RFX8: variants seen among roughly 807,000 people sequenced by gnomAD.
RFX8 encodes the protein regulatory factor X8.
A neutral mutation model predicts 54.6 loss-of-function variants in RFX8; 46 were observed. The observed-to-expected ratio is 0.84, with a 90% CI of 0.67 to 1.08. The LOEUF is 1.08. RFX8 is among the 50% of genes least tolerant of loss of function. The pLI, the probability that RFX8 is intolerant of heterozygous loss-of-function variation, is 0.00. For missense variants in RFX8, 536 were observed against 562.3 expected (o/e 0.95, Z 0.47); for synonymous variants, 192 against 209.5 (o/e 0.92, Z 0.72).
At chr2:101,405,356 A>G (rs1315018397) in intron 10 of RFX8, among the ~76,000 whole-genome samples, 1 of 152,032 alleles carries the variant, frequency 6.6e-6, no homozygotes, top group East Asian at 1.9e-4. Context: ...CATGTTGGTC[A>G]GGCTGGTCTC....
At chr2:101,440,385 G>T (rs1462219942) in intron 2 of RFX8, among the ~76,000 whole-genome samples, 7 of 152,178 alleles carry the variant, frequency 4.6e-5, no homozygotes, top group Admixed American at 4.6e-4. Flanking sequence ...TATGGTTTAT[G>T]CTGAACACCT....
At chr2:101,407,700 A>G (rs1026497886) in intron 9 of RFX8, among the ~76,000 whole-genome samples, 1 of 152,130 alleles carries the variant, frequency 6.6e-6, no homozygotes, top group African/African-American at 2.4e-5. Context: ...TCAATTAAAA[A>G]AAAAAACAAA....
Position 101,414,880 on chromosome 2 carries a change from T to G in RFX8, c.535A>C (p.Lys179Gln). The part of the protein sequence containing the change: ...VTLFVKRLRR[K>Q]TYLSNMAKTM... ...TTAGCCATGTTGGAAAGGTACGTCT[T>G]TCTTCTTAGTCTTTTGACAAATAGA... The change falls in exon 7 of 12, where the codon AAG becomes CAG. Residue 179 changes from lysine to glutamine, a missense_variant. Coordinates refer to ENST00000428343, the MANE Select transcript of RFX8 (RefSeq NM_001145664.2). 1 of 1,550,730 alleles carries G rather than the reference T, an allele frequency of 6.4e-7. No homozygotes were observed. Among genetic ancestry groups the G allele is most frequent in the Non-Finnish European group, 8.7e-7 (1 of 1,146,552 alleles).
At chr2:101,428,844 G>T in intron 2 of RFX8, 1 of 691,426 alleles carries the variant, frequency 1.4e-6, no homozygotes, top group Non-Finnish European at 2.6e-6. Flanking sequence ...ATGGTTAGGG[G>T]CTACCTAGAG....
chr2:101,443,739 C>A (rs1162027757), intron 2 of RFX8, among the ~76,000 whole-genome samples: 1 of 152,074 alleles, frequency 6.6e-6, no homozygotes, highest in Non-Finnish European at 1.5e-5. Context: ...TCTGTTACGT[C>A]AATAGGTGTA....
rs1410176891 is a variant in RFX8, at chr2:101,397,698, T to C, written c.1272A>G (p.Glu424=). The change falls in exon 12 of 12, where the codon GAA becomes GAG. Residue 424 remains glutamate, a synonymous_variant. Coordinates refer to ENST00000428343, the MANE Select transcript of RFX8 (RefSeq NM_001145664.2). The part of the protein sequence containing the change: ...NKLIQVLLED[E]TTESAVKLSL... ...TGAGTTTAACTGCGCTTTCAGTGGT[T>C]TCATCTTCCAACAGCACCTGGATGA... 11 of 1,550,514 alleles carry C rather than the reference T, an allele frequency of 7.1e-6. No homozygotes were observed. In the South Asian group the frequency reaches 1.3e-4, roughly 19 times the overall value.
intron 2 of RFX8, among the ~76,000 whole-genome samples, chr2:101,432,366 G>C (rs951251319): frequency 6.6e-6 from 1 of 152,192 alleles, no homozygotes; most frequent in African/African-American, 2.4e-5. Context: ...CCACGTTCAG[G>C]TCACCAGCAC....
intron 2 of RFX8, among the ~76,000 whole-genome samples, chr2:101,422,892 C>T (rs540852319): frequency 6.6e-6 from 1 of 152,242 alleles, no homozygotes; most frequent in Non-Finnish European, 1.5e-5. Context: ...TCATAACAAC[C>T]GTTGGTTGTA....
At chr2:101,463,086 G>A (rs1249538892) in intron 2 of RFX8, among the ~76,000 whole-genome samples, 4 of 152,116 alleles carry the variant, frequency 2.6e-5, no homozygotes, top group African/African-American at 9.7e-5. Context: ...TCCACACATC[G>A]ATCTTTCAAT....
chr2:101,423,828 C>A lies in RFX8; in HGVS notation c.73-1356G>T, dbSNP rs187622275. 2.6e-5 allele frequency among the ~76,000 whole-genome samples: 4 copies of A among 152,280 alleles called. No homozygotes were observed. The East Asian group carries it at 5.8e-4, about 22-fold the overall frequency. On this transcript the variant is annotated intron_variant, in intron 2 of 11. Coordinates refer to ENST00000428343, the MANE Select transcript of RFX8 (RefSeq NM_001145664.2). Reference sequence around the variant, plus strand: ...GTGCTGCACACACCGGAAACAGGCACCACTGTGTTTTCCTCCTCTCCGATG... The same window carrying A: ...GTGCTGCACACACCGGAAACAGGCAACACTGTGTTTTCCTCCTCTCCGATG...
chr2:101,429,053 A>G lies in RFX8; in HGVS notation c.73-6581T>C, dbSNP rs148716447. 6.4e-3 allele frequency: 8,503 copies of G among 1,334,796 alleles called. 39 individuals are homozygous for G. Among genetic ancestry groups the G allele is most frequent in the Non-Finnish European group, 7.8e-3 (7,498 of 962,930 alleles). 82.7% of individuals were successfully genotyped at this position (1,334,796 alleles called of 1,614,324 possible). On this transcript the variant is annotated intron_variant, in intron 2 of 11. Coordinates refer to ENST00000428343, the MANE Select transcript of RFX8 (RefSeq NM_001145664.2). ...GAACAGAAAACAGAGAAGTAATTTT[A>G]GCAAGACACCTGTCTCTGAGCAGAA...
intron 1 of RFX8, among the ~76,000 whole-genome samples, chr2:101,469,998 C>T (rs927440946): frequency 2.0e-5 from 3 of 152,014 alleles, no homozygotes; most frequent in Admixed American, 6.6e-5. Context: ...TAAGCCAAAT[C>T]GCAGAGACTG....
In RFX8 at chr2:101,405,650, C is replaced by T. The variant is rs566069133; in HGVS notation, c.928+293G>A. On this transcript the variant is annotated intron_variant, in intron 10 of 11. Transcript: ENST00000428343. ...TGTTCTCCATCTCAGTTGTCTCTCT[C>T]GGTGCTTTTCTCTAAATGTCACAAA... Among the ~76,000 whole-genome samples the T allele has an allele frequency of 4.6e-5, 7 of 152,042 alleles. 1 individual carries two copies. The highest frequency in any genetic ancestry group is 7.4e-5 in the Non-Finnish European group (5 of 68,012).
At chr2:101,412,251 A>T (rs1686182793) in intron 8 of RFX8, among the ~76,000 whole-genome samples, 1 of 152,190 alleles carries the variant, frequency 6.6e-6, no homozygotes, top group Non-Finnish European at 1.5e-5. Flanking sequence ...CCTGCCTCCC[A>T]GGTCCTCCCT....
intron 3 of RFX8, 39 bp from the exon 4 acceptor site, chr2:101,421,816 T>C: frequency 2.8e-6 from 4 of 1,431,580 alleles, no homozygotes; most frequent in Non-Finnish European, 9.6e-7. Flanking sequence ...CATGTGGGCC[T>C]TTTCAATAAT....
In RFX8 at chr2:101,402,655, AG is replaced by A. The variant is rs1418924112; in HGVS notation, c.1025del (p.Thr342MetfsTer23). ...EEEEEEEDMG[T>X]VKEMLPDDPT... ...GGTCATCTGGTAGCATTTCCTTGAC[AG>A]TCCCCATGTCCTCCTCCTCCTCTTC... On this transcript the variant is annotated frameshift_variant, in exon 11 of 12. Transcript: ENST00000428343. LOFTEE classifies it high-confidence loss of function. 1.3e-6 allele frequency: 2 copies of A among 1,554,542 alleles called. No individual in the cohort carries two copies. Among genetic ancestry groups the A allele is most frequent in the Non-Finnish European group, 1.7e-6 (2 of 1,148,364 alleles).
chr2:101,419,471 A>G (rs1415227671), intron 4 of RFX8, among the ~76,000 whole-genome samples: 2 of 152,256 alleles, frequency 1.3e-5, no homozygotes, highest in African/African-American at 4.8e-5. Context: ...CCTTCTCTAA[A>G]GACTTATGTG....
At chr2:101,465,434 C>T (rs1318718046) in intron 2 of RFX8, among the ~76,000 whole-genome samples, 1 of 152,126 alleles carries the variant, frequency 6.6e-6, no homozygotes, top group African/African-American at 2.4e-5. Flanking sequence ...CGCTTGAACT[C>T]GGGAGGCGGA....
rs1690211740 is a variant in RFX8, at chr2:101,474,630, A to G, written c.-53+6T>C. ...ACAGGGACGCGAACAACAAGCACCA[A>G]CTTACACCTTTTCCAATCTGGTCGC... On this transcript the variant is annotated splice_donor_region_variant and intron_variant, in intron 1 of 11. Transcript: ENST00000428343. The G allele has an allele frequency of 4.8e-6, 1 of 208,382 alleles. No homozygotes were observed. The highest frequency in any genetic ancestry group is 9.6e-6 in the Non-Finnish European group (1 of 104,700). The allele number at this position is 208,382 out of a possible 1,614,324, so 12.9% of individuals were successfully genotyped here.
Sources: gnomAD v4.1 joint callset for allele counts (sites outside exome capture counted in the v4.1 genomes callset) on GRCh38, gnomAD v4.1.1 for gene constraint, MANE v1.5 for transcripts, NCBI Gene and HGNC (gene_info 2026-07-23, HGNC 2026-07-21) for gene names.